Variants in NRG3 observed in about 807,000 individuals in gnomAD.
NRG3 encodes the protein pro-neuregulin-3, membrane-bound isoform.
In NRG3, 31 loss-of-function variants were observed where a neutral mutation model predicts 66.9. The ratio of observed to expected loss-of-function variants is 0.46; its 90% confidence interval spans 0.35 to 0.63. The LOEUF (loss-of-function observed/expected upper bound fraction) is 0.63, where lower values mean the gene tolerates loss of function less well. Ranked by LOEUF, NRG3 falls within the 20% of genes least tolerant of loss-of-function variation. NRG3 has a pLI of 0.00. For synonymous variants in NRG3, 393 were observed against 359.4 expected (o/e 1.09, Z -1.06); for missense variants, 910 against 878.9 (o/e 1.04, Z -0.45).
chr10:82,715,390 T>A (rs1381971250), intron 2 of NRG3, among the ~76,000 whole-genome samples: 2 of 152,150 alleles, frequency 1.3e-5, no homozygotes, highest in African/African-American at 4.8e-5. Context: ...AAGTCTTGGA[T>A]GTGAATCTCA....
intron 4 of NRG3, among the ~76,000 whole-genome samples, chr10:82,923,226 G>C (rs1184777301): frequency 6.6e-6 from 1 of 152,148 alleles, no homozygotes; most frequent in Non-Finnish European, 1.5e-5. Context: ...CCCACTGTGG[G>C]TTCTACAGAT....
At chr10:82,776,718 T>C (rs1445046839) in intron 3 of NRG3, among the ~76,000 whole-genome samples, 1 of 151,964 alleles carries the variant, frequency 6.6e-6, no homozygotes. Context: ...GACTCTTACA[T>C]GTACTTCTTA....
rs1853267618 is a variant in NRG3 at position 82,984,643 on chromosome 10, A to G, written c.1584-455A>G. Reference sequence around the variant, plus strand: ...TTGATTGGCTTCGACTAGGGTGGCCACAACAAGTCTACTGGACTAACCCAG... The same window carrying G: ...TTGATTGGCTTCGACTAGGGTGGCCGCAACAAGTCTACTGGACTAACCCAG... On this transcript the variant is annotated intron_variant, in intron 8 of 8. Coordinates refer to ENST00000372141, the MANE Select transcript of NRG3 (RefSeq NM_001010848.4). 4.1e-6 allele frequency: 3 copies of G among 740,572 alleles called. No homozygotes were observed. The South Asian group carries it at 6.4e-5, about 16-fold the overall frequency. 45.9% of individuals were successfully genotyped at this position (740,572 alleles called of 1,614,324 possible). A position where few individuals can be genotyped will look rare whatever the true frequency, so the allele number is the denominator to read the frequency against.
In NRG3 at chr10:82,667,423, G is replaced by T. The variant is rs752896182; in HGVS notation, c.954-71154G>T. ...TCTGATGTTAATGTGTTTTTTTCCA[G>T]CTGTGATTTGGATATCTCAACAGTG... On this transcript the variant is annotated intron_variant, in intron 2 of 8. Coordinates refer to ENST00000372141, the MANE Select transcript of NRG3 (RefSeq NM_001010848.4). Among the ~76,000 whole-genome samples, 5 of 152,200 alleles carry T rather than the reference G, an allele frequency of 3.3e-5. No individual in the cohort carries two copies. In the South Asian group the frequency reaches 6.2e-4, roughly 19 times the overall value.
At chr10:82,914,935 G>A (rs1845692750) in intron 4 of NRG3, among the ~76,000 whole-genome samples, 1 of 152,068 alleles carries the variant, frequency 6.6e-6, no homozygotes, top group South Asian at 2.1e-4. Flanking sequence ...AGAACATTCT[G>A]AGTATATTTT....
chr10:82,902,495 A>G (rs1010110937), intron 4 of NRG3, among the ~76,000 whole-genome samples: 2 of 152,184 alleles, frequency 1.3e-5, no homozygotes, highest in East Asian at 3.9e-4. Flanking sequence ...GGTCTTAGCC[A>G]TAAAAAAGGA....
At chr10:82,707,796 G>A (rs1018720192) in intron 2 of NRG3, among the ~76,000 whole-genome samples, 2 of 138,784 alleles carry the variant, frequency 1.4e-5, no homozygotes, top group African/African-American at 5.3e-5. Context: ...ATCACCTGTG[G>A]TCAGGAGTTT....
chr10:82,731,141 C>A (rs927670302), intron 2 of NRG3, among the ~76,000 whole-genome samples: 1 of 151,876 alleles, frequency 6.6e-6, no homozygotes, highest in Middle Eastern at 3.4e-3. Context: ...CTGAGGCAGG[C>A]GGATAACTTG....
chr10:82,601,901 T>C (rs866384928), intron 2 of NRG3, among the ~76,000 whole-genome samples: 1 of 147,044 alleles, frequency 6.8e-6, no homozygotes, highest in Non-Finnish European at 1.5e-5. Flanking sequence ...TATATATATA[T>C]AACTATATAT....
intron 1 of NRG3, among the ~76,000 whole-genome samples, chr10:81,985,315 T>A (rs2060477981): frequency 6.6e-6 from 1 of 152,226 alleles, no homozygotes; most frequent in Non-Finnish European, 1.5e-5. Flanking sequence ...GGTTTTCCAC[T>A]GCTGCTGGAT....
chr10:82,229,675 A>G (rs1343405967), intron 1 of NRG3, among the ~76,000 whole-genome samples: 1 of 152,166 alleles, frequency 6.6e-6, no homozygotes, highest in Non-Finnish European at 1.5e-5. Flanking sequence ...AAAGCCCCTT[A>G]TAAAACCATC....
chr10:82,760,130 C>T (rs966256758), intron 3 of NRG3, among the ~76,000 whole-genome samples: 2 of 152,116 alleles, frequency 1.3e-5, no homozygotes, highest in Non-Finnish European at 2.9e-5. Context: ...GTTTAATTTA[C>T]TCTCAGCATG....
At chr10:82,893,841 A>C (rs1266458775) in intron 4 of NRG3, among the ~76,000 whole-genome samples, 1 of 152,216 alleles carries the variant, frequency 6.6e-6, no homozygotes, top group Non-Finnish European at 1.5e-5. Context: ...CCACCAAAAA[A>C]GTTAGAAAAA....
At chr10:81,911,636 A>T in intron 1 of NRG3, among the ~76,000 whole-genome samples, 1 of 113,292 alleles carries the variant, frequency 8.8e-6, no homozygotes, top group Admixed American at 1.1e-4. Context: ...TTTTGATGAG[A>T]CTACAAGGAA....
intron 1 of NRG3, chr10:82,166,835 G>T (rs2133039491): frequency 1.5e-6 from 1 of 664,434 alleles, no homozygotes; most frequent in South Asian, 1.6e-5. Context: ...TTGTAAGTCT[G>T]AAACAGTCTT....
At chr10:82,947,952 C>T (rs34235175) in intron 4 of NRG3, among the ~76,000 whole-genome samples, 74,697 of 151,752 alleles carry the variant, frequency 0.49, 18,672 homozygotes, top group Middle Eastern at 0.59. Context: ...GAAATATTTT[C>T]TAGTTTGTAG....
rs1015648714 is a variant in NRG3, at chr10:82,581,074, G to C, written c.954-157503G>C. ...CATTTACATTCCCACCACAATGAAT[G>C]AGAGTTCCTGTTGCACTATATGCTT... On this transcript the variant is annotated intron_variant, in intron 2 of 8. Transcript: ENST00000372141. 2.0e-5 allele frequency among the ~76,000 whole-genome samples: 3 copies of C among 151,972 alleles called. No individual in the cohort carries two copies. In the South Asian group the frequency reaches 6.2e-4, roughly 32 times the overall value.
At chr10:82,665,334 C>A (rs1037806739) in intron 2 of NRG3, among the ~76,000 whole-genome samples, 1 of 152,170 alleles carries the variant, frequency 6.6e-6, no homozygotes, top group South Asian at 2.1e-4. Flanking sequence ...TCCTAGCCTG[C>A]TTATTATCAT....
At chr10:82,058,876 T>C (rs1295659870) in intron 1 of NRG3, among the ~76,000 whole-genome samples, 1 of 152,114 alleles carries the variant, frequency 6.6e-6, no homozygotes, top group Non-Finnish European at 1.5e-5. Context: ...GGAACGTATA[T>C]AGGAGGTGCG....
Sources: allele counts gnomAD v4.1 joint callset (sites outside exome capture counted in the v4.1 genomes callset), GRCh38; gene constraint gnomAD v4.1.1; transcripts MANE v1.5; gene names NCBI Gene and HGNC (gene_info 2026-07-23, HGNC 2026-07-21).